Variants in LPP observed in about 807,000 individuals in gnomAD.
The protein encoded by LPP is LIM domain containing preferred translocation partner in lipoma.
Under a neutral mutation model 60.4 loss-of-function variants are expected in LPP, and 38 were observed. The ratio of observed to expected loss-of-function variants is 0.63; its 90% CI spans 0.49 to 0.83. LPP has a LOEUF of 0.83. Among genes scored for constraint, LPP ranks in the 40% least tolerant of loss-of-function variants. The pLI is 0.00. For synonymous variants in LPP, 328 were observed against 290.8 expected, an observed-to-expected ratio of 1.13 and a Z score of -1.30; for missense variants, 902 against 783.6, an observed-to-expected ratio of 1.15 and a Z score of -1.80.
intron 6 of LPP, among the ~76,000 whole-genome samples, chr3:188,534,512 A>G (rs924453603): frequency 6.6e-6 from 1 of 152,204 alleles, no homozygotes; most frequent in African/African-American, 2.4e-5. Flanking sequence ...CTGTTTAAAT[A>G]TCTATTTTGG....
chr3:188,654,088 A>T (rs1852635139), intron 7 of LPP, among the ~76,000 whole-genome samples: 1 of 152,226 alleles, frequency 6.6e-6, no homozygotes, highest in East Asian at 1.9e-4. Flanking sequence ...GAAGTCACAA[A>T]GATTTCCTGA....
intron 7 of LPP, among the ~76,000 whole-genome samples, chr3:188,657,281 TTTCCAAAAGCAG>T (rs1853500906): frequency 7.0e-6 from 1 of 143,578 alleles, no homozygotes; most frequent in Non-Finnish European, 1.5e-5. Context: ...TATATATATA[TTTCCAAAAGCAG>T]ATAGTATAGT....
intron 7 of LPP, among the ~76,000 whole-genome samples, chr3:188,691,097 C>T (rs1862027363): frequency 6.6e-6 from 1 of 152,154 alleles, no homozygotes; most frequent in Admixed American, 6.5e-5. Context: ...TTACCTTTAT[C>T]ATCAAAGTGC....
At chr3:188,688,659 G>A (rs1208021456) in intron 7 of LPP, 1 of 414,730 alleles carries the variant, frequency 2.4e-6, no homozygotes, top group Non-Finnish European at 4.8e-6. Context: ...ATATAATTAG[G>A]TTTGTATTTT....
chr3:188,364,038 T>C (rs1212541917), intron 3 of LPP, among the ~76,000 whole-genome samples: 3 of 152,226 alleles, frequency 2.0e-5, no homozygotes, highest in Non-Finnish European at 4.4e-5. Context: ...TGCCATTTGC[T>C]TGGGCAAGTT....
chr3:188,372,492 CTTG>C (rs2151085495), intron 3 of LPP, among the ~76,000 whole-genome samples: 1 of 152,116 alleles, frequency 6.6e-6, no homozygotes, highest in East Asian at 1.9e-4. Context: ...CTGGGAGTGT[CTTG>C]TTGTAAGAAA....
intron 7 of LPP, among the ~76,000 whole-genome samples, chr3:188,654,658 T>C (rs1852778584): frequency 6.6e-6 from 1 of 152,210 alleles, no homozygotes; most frequent in South Asian, 2.1e-4. Flanking sequence ...AGCACTGCAC[T>C]CAGCAAAATG....
At chr3:188,362,050 G>A (rs538399053) in intron 3 of LPP, among the ~76,000 whole-genome samples, 3 of 152,268 alleles carry the variant, frequency 2.0e-5, no homozygotes, top group Admixed American at 6.5e-5. Context: ...TGTACAGTGC[G>A]ACAAAGGAGA....
chr3:188,695,807 A>G (rs1863120858), intron 7 of LPP, among the ~76,000 whole-genome samples: 1 of 152,250 alleles, frequency 6.6e-6, no homozygotes, highest in Admixed American at 6.5e-5. Context: ...AATTAGCACC[A>G]TACTTTAATC....
chr3:188,530,545 C>G (rs769376087), intron 6 of LPP, among the ~76,000 whole-genome samples: 11 of 152,164 alleles, frequency 7.2e-5, no homozygotes, highest in Non-Finnish European at 1.2e-4. Flanking sequence ...AAGCTTTTGC[C>G]CAGAGAGGGA....
chr3:188,553,800 G>T (rs975306963), intron 6 of LPP: 4 of 152,194 alleles, frequency 2.6e-5, no homozygotes, highest in African/African-American at 9.7e-5. Context: ...GGTAACACCA[G>T]CAAAGTGGAA....
intron 3 of LPP, among the ~76,000 whole-genome samples, chr3:188,368,196 G>A (rs1395550394): frequency 6.6e-6 from 1 of 152,176 alleles, no homozygotes; most frequent in Non-Finnish European, 1.5e-5. Context: ...TCAGAGAGTT[G>A]TTCCTGAAAA....
chr3:188,770,346 T>G (rs79460175), intron 9 of LPP, among the ~76,000 whole-genome samples: 2 of 948 alleles, frequency 2.1e-3, no homozygotes, highest in Non-Finnish European at 6.8e-3. Flanking sequence ...GCCCAGCTAT[T>G]TTTTTTTTTT....
intron 3 of LPP, among the ~76,000 whole-genome samples, chr3:188,368,534 C>T (rs1418177328): frequency 3.3e-5 from 5 of 152,086 alleles, no homozygotes; most frequent in African/African-American, 1.2e-4. Context: ...TTATTAGTTA[C>T]TGACAAAATC....
chr3:188,511,976 G>A (rs530631989), intron 5 of LPP, among the ~76,000 whole-genome samples: 15 of 152,184 alleles, frequency 9.9e-5, no homozygotes, highest in African/African-American at 2.9e-4. Flanking sequence ...ACGAGATGTC[G>A]TTTTGGAAAA....
chr3:188,601,581 G>A (rs1294655870), intron 6 of LPP, among the ~76,000 whole-genome samples: 1 of 152,110 alleles, frequency 6.6e-6, no homozygotes, highest in East Asian at 1.9e-4. Context: ...TTCGGCTTTA[G>A]CAACAGTATC....
intron 7 of LPP, among the ~76,000 whole-genome samples, chr3:188,635,448 A>G (rs1411419841): frequency 6.6e-6 from 1 of 152,214 alleles, no homozygotes; most frequent in African/African-American, 2.4e-5. Context: ...GTCCACAAAT[A>G]TTGTGAGAAC....
intron 2 of LPP, among the ~76,000 whole-genome samples, chr3:188,230,432 G>A (rs1719471728): frequency 6.6e-6 from 1 of 152,074 alleles, no homozygotes; most frequent in Non-Finnish European, 1.5e-5. Context: ...GAGTGCTTGG[G>A]AAATTGAGAT....
At chr3:188,528,296 G>A (rs1286492001) in intron 6 of LPP, among the ~76,000 whole-genome samples, 1 of 152,118 alleles carries the variant, frequency 6.6e-6, no homozygotes, top group East Asian at 1.9e-4. Context: ...CAAAGTGCTG[G>A]GGTTACAGGC....
Sources: allele counts gnomAD v4.1 joint callset (sites outside exome capture counted in the v4.1 genomes callset), GRCh38; gene constraint gnomAD v4.1.1; transcripts MANE v1.5; gene names NCBI Gene and HGNC (gene_info 2026-07-23, HGNC 2026-07-21).